Variants in TTC28 observed in about 807,000 individuals in gnomAD.
TTC28 encodes the protein tetratricopeptide repeat domain 28.
In TTC28, 61 loss-of-function variants were observed where a neutral mutation model predicts 198.0. The observed-to-expected ratio is 0.31, with a 90% CI of 0.25 to 0.38. TTC28 has a LOEUF of 0.38. TTC28 is among the 10% of genes least tolerant of loss of function. TTC28 has a pLI of 1.00. For missense variants in TTC28, 2,678 were observed against 3,164.0 expected, an observed-to-expected ratio of 0.85 and a Z score of 3.69; for synonymous variants, 1,171 against 1,297.8, an observed-to-expected ratio of 0.90 and a Z score of 2.10.
chr22:28,122,264 G>C (rs1479244688), intron 6 of TTC28, among the ~76,000 whole-genome samples: 1 of 152,100 alleles, frequency 6.6e-6, no homozygotes, highest in African/African-American at 2.4e-5. Context: ...TGACCATGAG[G>C]CTTAAGAGGC....
intron 2 of TTC28, among the ~76,000 whole-genome samples, chr22:28,449,998 C>T (rs1268089430): frequency 6.6e-6 from 1 of 152,086 alleles, no homozygotes; most frequent in Non-Finnish European, 1.5e-5. Context: ...ATGTTGGATA[C>T]TGAATTCTGT....
At chr22:28,217,618 T>C (rs1183248191) in intron 5 of TTC28, among the ~76,000 whole-genome samples, 2 of 152,226 alleles carry the variant, frequency 1.3e-5, no homozygotes, top group Non-Finnish European at 2.9e-5. Flanking sequence ...TATTTTATTT[T>C]AGTTTCAGCA....
chr22:27,985,849 A>G (rs138639), intron 21 of TTC28: 16,450 of 155,476 alleles, frequency 0.11, 1,017 homozygotes, highest in African/African-American at 0.17. Flanking sequence ...GGGCTTTGAA[A>G]TGATCGCTGA....
chr22:28,022,253 G>GT (rs1236133441), intron 13 of TTC28, among the ~76,000 whole-genome samples: 1 of 152,178 alleles, frequency 6.6e-6, no homozygotes, highest in Non-Finnish European at 1.5e-5. Flanking sequence ...CAGAGCACCA[G>GT]TCCAGGGGCC....
chr22:28,589,114 A>G (rs1569043449), intron 2 of TTC28, among the ~76,000 whole-genome samples: 1 of 152,154 alleles, frequency 6.6e-6, no homozygotes, highest in African/African-American at 2.4e-5. Context: ...AGACCCTCCA[A>G]TTCTTACCTC....
chr22:27,984,708 A>G (rs1328500503), intron 22 of TTC28, among the ~76,000 whole-genome samples: 1 of 152,218 alleles, frequency 6.6e-6, no homozygotes, highest in Admixed American at 6.5e-5. Context: ...GCAGAGGGCA[A>G]TCCCATTTTG....
At chr22:28,591,994 T>C (rs1161553132) in intron 2 of TTC28, among the ~76,000 whole-genome samples, 7 of 152,028 alleles carry the variant, frequency 4.6e-5, no homozygotes, top group Non-Finnish European at 1.0e-4. Context: ...AAAGAGACTG[T>C]CATGCGGCCG....
chr22:28,538,645 G>A (rs1176817934), intron 2 of TTC28, among the ~76,000 whole-genome samples: 3 of 147,070 alleles, frequency 2.0e-5, no homozygotes, highest in African/African-American at 7.7e-5. Flanking sequence ...CTGCAACCTC[G>A]GCCTCCCAAG....
chr22:28,497,589 T>C (rs1457893158), intron 2 of TTC28, among the ~76,000 whole-genome samples: 1 of 152,186 alleles, frequency 6.6e-6, no homozygotes, highest in Non-Finnish European at 1.5e-5. Context: ...AGTTTGCTAG[T>C]GATTCTAATG....
intron 2 of TTC28, among the ~76,000 whole-genome samples, chr22:28,447,994 AC>A (rs1325426958): frequency 6.6e-6 from 1 of 152,026 alleles, no homozygotes; most frequent in African/African-American, 2.4e-5. Flanking sequence ...TCCAAATTGA[AC>A]CTGTATTTAC....
At chr22:28,636,698 T>A (rs1405076733) in intron 1 of TTC28, among the ~76,000 whole-genome samples, 1 of 152,016 alleles carries the variant, frequency 6.6e-6, no homozygotes, top group African/African-American at 2.4e-5. Flanking sequence ...TTCAGGTATT[T>A]CGCTCATTTT....
intron 2 of TTC28, among the ~76,000 whole-genome samples, chr22:28,570,837 C>T (rs1339531446): frequency 6.6e-6 from 1 of 151,952 alleles, no homozygotes; most frequent in African/African-American, 2.4e-5. Context: ...CTTGTTGCCT[C>T]GAAAGATCAA....
chr22:28,655,038 T>TA (rs2051621935), intron 1 of TTC28, among the ~76,000 whole-genome samples: 1 of 152,218 alleles, frequency 6.6e-6, no homozygotes, highest in African/African-American at 2.4e-5. Flanking sequence ...ATAACCTCAA[T>TA]ATCTTTTCCT....
intron 2 of TTC28, among the ~76,000 whole-genome samples, chr22:28,560,647 T>C (rs2049855333): frequency 6.6e-6 from 1 of 152,148 alleles, no homozygotes; most frequent in South Asian, 2.1e-4. Context: ...TTCATTCAGG[T>C]CTCTGCTCAA....
chr22:28,262,158 T>G (rs1014569596), intron 5 of TTC28, among the ~76,000 whole-genome samples: 1 of 152,100 alleles, frequency 6.6e-6, no homozygotes. Context: ...GGAAGCAAAG[T>G]TGGGCTAAAA....
chr22:28,141,110 T>C (rs1167023746), intron 6 of TTC28, among the ~76,000 whole-genome samples: 4 of 152,148 alleles, frequency 2.6e-5, no homozygotes, highest in Non-Finnish European at 5.9e-5. Context: ...AGAACCCAAA[T>C]TTGGCTCACT....
In TTC28 at chr22:28,240,108, T is replaced by C. The variant is rs116945029; in HGVS notation, c.933+56090A>G. On this transcript the variant is annotated intron_variant, in intron 5 of 22. Transcript: ENST00000397906. ...TAGAATCATATTAAAGAATAAGAAC[T>C]AACCCAAGAAACTTTTCAACCCAGT... is the stretch of plus-strand genomic sequence containing the variant. Among the ~76,000 whole-genome samples the C allele has an allele frequency of 3.8e-3, 579 of 152,332 alleles. 6 individuals carry two copies. Among genetic ancestry groups the C allele is most frequent in the Middle Eastern group, 0.014 (4 of 292 alleles).
chr22:28,605,707 A>G (rs1393671379), intron 2 of TTC28, among the ~76,000 whole-genome samples: 3 of 152,232 alleles, frequency 2.0e-5, no homozygotes, highest in Non-Finnish European at 4.4e-5. Context: ...AAAACGTTAA[A>G]TTGGTATATT....
At chr22:28,160,085 G>A (rs1921000380) in intron 6 of TTC28, among the ~76,000 whole-genome samples, 1 of 152,194 alleles carries the variant, frequency 6.6e-6, no homozygotes, top group African/African-American at 2.4e-5. Context: ...ACTGCAGGGA[G>A]AGGTGGGAAT....
Sources: gnomAD v4.1 joint callset for allele counts (sites outside exome capture counted in the v4.1 genomes callset) on GRCh38, gnomAD v4.1.1 for gene constraint, MANE v1.5 for transcripts, NCBI Gene and HGNC (gene_info 2026-07-23, HGNC 2026-07-21) for gene names.